Variants in STIP1 observed in about 807,000 individuals in gnomAD.
STIP1 encodes the protein stress induced phosphoprotein 1.
STIP1 carries 16 observed loss-of-function variants against 77.4 expected under a neutral mutation model. The observed-to-expected ratio is 0.21, with a 90% CI of 0.14 to 0.31. The LOEUF is 0.31. Among genes scored for constraint, STIP1 ranks in the 10% least tolerant of loss-of-function variants. STIP1 has a pLI of 1.00. For missense variants in STIP1, 524 were observed against 684.8 expected (o/e 0.77, Z 2.62); for synonymous variants, 258 against 246.6 (o/e 1.05, Z -0.44).
At position 64,193,263 on chromosome 11, in the gene STIP1, C is replaced by G. The variant is rs201128374; in HGVS notation, c.195C>G (p.Val65=). The change falls in exon 2 of 14, where the codon GTC becomes GTG. Residue 65 remains valine, a synonymous_variant. Coordinates refer to ENST00000305218, the MANE Select transcript of STIP1 (RefSeq NM_006819.3). ...QKAYEDGCKT[V]DLKPDWGKGY... is the part of the protein sequence containing the mutation. ...CTTATGAGGATGGCTGCAAGACTGTCGACCTAAAGCCTGACTGGGGCAAGG... is the reference window on the plus strand; with the variant it reads ...CTTATGAGGATGGCTGCAAGACTGTGGACCTAAAGCCTGACTGGGGCAAGG... The G allele has an allele frequency of 1.9e-6, 3 of 1,614,030 alleles. No individual in the cohort carries two copies. Among genetic ancestry groups the G allele is most frequent in the African/African-American group, 2.7e-5 (2 of 74,922 alleles).
Position 64,193,302 on chromosome 11 carries a change from G to T in STIP1, c.219+15G>T. On this transcript the variant is annotated intron_variant, in intron 2 of 13. Transcript: ENST00000305218. ...ACTGGGGCAAGGTCAGCTGTGGGCA[G>T]TGGAGGGAGAGAGGCCCTTCAGACC... The T allele has an allele frequency of 6.2e-7, 1 of 1,614,014 alleles. No individual in the cohort carries two copies. The highest frequency in any genetic ancestry group is 8.5e-7 in the Non-Finnish European group (1 of 1,179,878).
chr11:64,197,896 G>C lies in STIP1; in HGVS notation c.945G>C (p.Lys315Asn), dbSNP rs753570730. ...GCAACTCCTACTTCAAAGAAGAAAA[G>C]TACAAGGATGCCATCCATTTCTATA... ...RIGNSYFKEE[K>N]YKDAIHFYNK... Residue 315 changes from lysine (K) to asparagine (N), a missense_variant, in exon 8 of 14, where the codon AAG becomes AAC. Coordinates refer to ENST00000305218, the MANE Select transcript of STIP1 (RefSeq NM_006819.3). 6.2e-6 allele frequency: 10 copies of C among 1,612,556 alleles called. No homozygotes were observed. In the Admixed American group the frequency reaches 1.3e-4, roughly 22 times the overall value.
intron 1 of STIP1, among the ~76,000 whole-genome samples, chr11:64,187,105 C>A (rs1310928913): frequency 6.6e-6 from 1 of 152,032 alleles, no homozygotes; most frequent in East Asian, 1.9e-4. Flanking sequence ...AGAGATCAAC[C>A]GCTGGAAGTT....
chr11:64,186,147 A>G, upstream of STIP1: 1 of 1,550,784 alleles, frequency 6.4e-7, no homozygotes, highest in South Asian at 1.2e-5. Context: ...CAGGCGAGGA[A>G]GGGGCGGGAG....
chr11:64,185,765 C>A, upstream of STIP1: 2 of 1,528,566 alleles, frequency 1.3e-6, no homozygotes, highest in South Asian at 2.4e-5. Context: ...CCAATCAGCG[C>A]AAAGAGTTGG....
At chr11:64,201,051 A>AG (rs1946214617) in intron 10 of STIP1, among the ~76,000 whole-genome samples, 1 of 151,266 alleles carries the variant, frequency 6.6e-6, no homozygotes, top group African/African-American at 2.4e-5. Flanking sequence ...AAAAAAAAAA[A>AG]AAAAGACAAG....
intron 10 of STIP1, among the ~76,000 whole-genome samples, chr11:64,201,036 T>TA (rs35305932): frequency 0.19 from 25,064 of 129,714 alleles, 4,182 homozygotes; most frequent in African/African-American, 0.45. Flanking sequence ...CCCCTTTTTT[T>TA]AAAAAAAAAA....
chr11:64,186,004 A>G (rs748908339), upstream of STIP1: 27 of 1,543,538 alleles, frequency 1.7e-5, no homozygotes, highest in East Asian at 5.6e-4. Context: ...CCCAATCCTG[A>G]GGTGCGGGGG....
At chr11:64,193,012 G>A (rs1319027903) in intron 1 of STIP1, 66 bp from the exon 2 acceptor site, 4 of 1,474,482 alleles carry the variant, frequency 2.7e-6, no homozygotes, top group Non-Finnish European at 3.8e-6. Context: ...AAGAATGAGT[G>A]TTGTCTTTAA....
upstream of STIP1, chr11:64,185,998 A>G: frequency 6.5e-7 from 1 of 1,542,618 alleles, no homozygotes; most frequent in Non-Finnish European, 8.7e-7. Flanking sequence ...GGAGCGCCCA[A>G]TCCTGAGGTG....
At chr11:64,186,792 C>T (rs1434710562) in intron 1 of STIP1, among the ~76,000 whole-genome samples, 3 of 152,188 alleles carry the variant, frequency 2.0e-5, no homozygotes, top group Non-Finnish European at 4.4e-5. Flanking sequence ...TCTTAGCAGC[C>T]TGGGATGCAG....
rs751421552 is a variant in STIP1 at position 64,203,221 on chromosome 11, G to T, written c.1379G>T (p.Ser460Ile). 1 of 1,613,768 alleles carries T rather than the reference G, an allele frequency of 6.2e-7. No individual in the cohort carries two copies. Among genetic ancestry groups the T allele is most frequent in the African/African-American group, 1.3e-5 (1 of 74,960 alleles). The change falls in exon 12 of 14, where the codon AGC (serine) becomes ATC (isoleucine). Residue 460 changes from serine to isoleucine, a missense_variant. Physicochemically the swap from Ser to Ile is moderately radical, Grantham distance 142. Transcript: ENST00000305218. ...CAGAAGGCGCTAGACCTGGACTCCA[G>T]CTGTAAGGTGGGGCTGCTTCTGGCC... ...VYQKALDLDS[S>I]CKEAADGYQR... is the part of the protein sequence containing the mutation.
chr11:64,189,983 G>A (rs1386658459), intron 1 of STIP1, among the ~76,000 whole-genome samples: 1 of 150,260 alleles, frequency 6.7e-6, no homozygotes, highest in African/African-American at 2.4e-5. Flanking sequence ...TCTATTTGAG[G>A]ATTCCAAAAT....
chr11:64,191,630 G>C (rs1403828477), intron 1 of STIP1, among the ~76,000 whole-genome samples: 1 of 152,042 alleles, frequency 6.6e-6, no homozygotes, highest in Non-Finnish European at 1.5e-5. Flanking sequence ...TAAATACAAT[G>C]AGCTTCTCAA....
Position 64,192,945 on chromosome 11 carries a change from C to T in STIP1, c.10-133C>T, listed in dbSNP as rs185323432. On this transcript the variant is annotated intron_variant, in intron 1 of 13. Transcript: ENST00000305218. ...GGTGTGAGAAATTAAATAAATGAAC[C>T]GGTTTTCTCTCTTCTGATCTGTAAA... The T allele has an allele frequency of 5.3e-5, 45 of 845,668 alleles. No individual in the cohort carries two copies. In the East Asian group the frequency reaches 8.0e-4, roughly 15 times the overall value. The allele number at this position is 845,668 out of a possible 1,614,324, so 52.4% of individuals were successfully genotyped here. A position where few individuals can be genotyped will look rare whatever the true frequency, so the allele number is the denominator to read the frequency against.
chr11:64,198,361 C>T (rs942719132), intron 8 of STIP1, among the ~76,000 whole-genome samples: 13 of 152,078 alleles, frequency 8.5e-5, no homozygotes, highest in African/African-American at 1.9e-4. Flanking sequence ...TACAGGTGCA[C>T]GCCACTATGC....
intron 1 of STIP1, 57 bp downstream of exon 1, chr11:64,186,327 A>C (rs2134775406): frequency 4.9e-6 from 1 of 204,860 alleles, no homozygotes; most frequent in Non-Finnish European, 7.8e-6. Flanking sequence ...GGCGGTGGCC[A>C]GGCCGCGGTA....
In STIP1 at chr11:64,204,041, T is replaced by C. The variant is rs774783621; in HGVS notation, c.1560-13T>C. The stretch of plus-strand genomic sequence containing the variant: ...GGTTGTCTCATTTCAAGTAACTGCG[T>C]CTTCCTCTGTAGACACTTAAAGAAT... On this transcript the variant is annotated splice_polypyrimidine_tract_variant and intron_variant, in intron 13 of 13. Transcript: ENST00000305218. The C allele has an allele frequency of 6.2e-7, 1 of 1,614,038 alleles. No individual in the cohort carries two copies. Among genetic ancestry groups the C allele is most frequent in the East Asian group, 2.2e-5 (1 of 44,876 alleles).
chr11:64,186,362 C>A, intron 1 of STIP1, 92 bp downstream of exon 1: 1 of 1,211,188 alleles, frequency 8.3e-7, no homozygotes, highest in Non-Finnish European at 1.1e-6. Context: ...GCGCCGGATC[C>A]AGGAGACCGG....
Sources: allele counts gnomAD v4.1 joint callset (sites outside exome capture counted in the v4.1 genomes callset), GRCh38; gene constraint gnomAD v4.1.1; transcripts MANE v1.5; gene names NCBI Gene and HGNC (gene_info 2026-07-23, HGNC 2026-07-21).